The following TENM3 variants were observed in gnomAD, a reference collection of about 807,000 sequenced individuals.
The protein encoded by TENM3 is teneurin transmembrane protein 3, also known as teneurin-3.
A neutral mutation model predicts 255.1 loss-of-function variants in TENM3; 63 were observed. The ratio of observed to expected loss-of-function variants is 0.25; its 90% confidence interval spans 0.20 to 0.30. The LOEUF is 0.30. TENM3 is among the 10% of genes least tolerant of loss of function. TENM3 has a pLI of 1.00. For synonymous variants in TENM3, 1,306 were observed against 1,322.3 expected, an observed-to-expected ratio of 0.99 and a Z score of 0.27; for missense variants, 2,929 against 3,461.1, an observed-to-expected ratio of 0.85 and a Z score of 3.86.
chr4:182,215,550 A>G (rs1200773295), intron 1 of TENM3, among the ~76,000 whole-genome samples: 1 of 152,192 alleles, frequency 6.6e-6, no homozygotes, highest in Non-Finnish European at 1.5e-5. Context: ...AAATCCTCTT[A>G]CGTTCATTTC....
the TENM3 span, among the ~76,000 whole-genome samples, chr4:181,967,976 C>T: frequency 6.6e-6 from 1 of 152,214 alleles, no homozygotes; most frequent in Admixed American, 6.5e-5. Context: ...AGGGAGTGTG[C>T]ATCGCCCTCA....
the TENM3 span, among the ~76,000 whole-genome samples, chr4:181,574,117 T>C: frequency 6.6e-6 from 1 of 152,240 alleles, no homozygotes; most frequent in African/African-American, 2.4e-5. Flanking sequence ...CACAGCTAAC[T>C]CTGATAACTG....
chr4:181,520,713 C>A, the TENM3 span, among the ~76,000 whole-genome samples: 3 of 152,126 alleles, frequency 2.0e-5, no homozygotes, highest in Non-Finnish European at 4.4e-5. Flanking sequence ...ACAGATGGAG[C>A]TTTCTCTTTC....
chr4:182,777,980 C>T (rs1310722699), intron 24 of TENM3, among the ~76,000 whole-genome samples: 1 of 151,812 alleles, frequency 6.6e-6, no homozygotes, highest in Non-Finnish European at 1.5e-5. Context: ...ACAGGCTGGA[C>T]ACAGCAGAAA....
intron 25 of TENM3, among the ~76,000 whole-genome samples, chr4:182,791,312 A>G (rs578094722): frequency 4.6e-5 from 7 of 152,328 alleles, no homozygotes; most frequent in Non-Finnish European, 7.4e-5. Context: ...CCCTGTGCCA[A>G]TGATGTTCCA....
chr4:182,661,456 G>C (rs1754222572), intron 6 of TENM3, among the ~76,000 whole-genome samples: 1 of 152,128 alleles, frequency 6.6e-6, no homozygotes, highest in Admixed American at 6.5e-5. Flanking sequence ...GGAGCTGACA[G>C]GGCTGCAAGA....
At chr4:181,509,352 A>G in the TENM3 span, among the ~76,000 whole-genome samples, 2 of 151,566 alleles carry the variant, frequency 1.3e-5, no homozygotes, top group African/African-American at 2.4e-5. Flanking sequence ...AGAGTTTATT[A>G]CTCTCCTAAA....
chr4:182,455,823 A>G (rs1773832235), intron 3 of TENM3, among the ~76,000 whole-genome samples: 1 of 151,902 alleles, frequency 6.6e-6, no homozygotes, highest in African/African-American at 2.4e-5. Context: ...CAGCCTCCCA[A>G]AGTGCTGGGA....
intron 1 of TENM3, among the ~76,000 whole-genome samples, chr4:182,287,990 T>C (rs969607085): frequency 1.3e-5 from 2 of 151,838 alleles, no homozygotes; most frequent in East Asian, 3.9e-4. Flanking sequence ...CAGGCTGGAG[T>C]GCAATGGCAC....
chr4:181,479,079 G>C, the TENM3 span, among the ~76,000 whole-genome samples: 1 of 152,048 alleles, frequency 6.6e-6, no homozygotes, highest in Non-Finnish European at 1.5e-5. Context: ...ATAAATACTT[G>C]GTGTTGTTTG....
chr4:182,361,492 T>G (rs1282387039), intron 3 of TENM3, among the ~76,000 whole-genome samples: 2 of 152,216 alleles, frequency 1.3e-5, no homozygotes, highest in Non-Finnish European at 2.9e-5. Context: ...CCTGATACCC[T>G]TTCTTCCAGT....
chr4:182,615,594 A>T (rs954291895), intron 4 of TENM3, among the ~76,000 whole-genome samples: 1 of 152,208 alleles, frequency 6.6e-6, no homozygotes, highest in African/African-American at 2.4e-5. Flanking sequence ...TCATTTGGAG[A>T]TGAAGTAAAA....
chr4:181,691,631 A>G, the TENM3 span, among the ~76,000 whole-genome samples: 1 of 152,162 alleles, frequency 6.6e-6, no homozygotes, highest in African/African-American at 2.4e-5. Context: ...CTGCACCGTC[A>G]AAATTCTTGT....
At chr4:182,763,070 T>C (rs1205161277) in intron 22 of TENM3, among the ~76,000 whole-genome samples, 1 of 152,258 alleles carries the variant, frequency 6.6e-6, no homozygotes, top group Non-Finnish European at 1.5e-5. Context: ...CTACTTTTTG[T>C]TCTCTTTAAG....
chr4:182,647,276 G>T (rs1027643402), intron 5 of TENM3, among the ~76,000 whole-genome samples: 1 of 152,170 alleles, frequency 6.6e-6, no homozygotes, highest in South Asian at 2.1e-4. Flanking sequence ...ACATTTTTAA[G>T]TGTATAGCTC....
chr4:182,448,584 G>A (rs1773134405), intron 3 of TENM3, among the ~76,000 whole-genome samples: 1 of 152,196 alleles, frequency 6.6e-6, no homozygotes, highest in Admixed American at 6.5e-5. Context: ...TAGCGCTGCC[G>A]GAGAACAGCT....
chr4:181,633,701 C>CA, the TENM3 span, among the ~76,000 whole-genome samples: 1 of 152,158 alleles, frequency 6.6e-6, no homozygotes, highest in African/African-American at 2.4e-5. Flanking sequence ...TGTCTGAAGG[C>CA]ACTACTAATA....
At chr4:182,632,707 C>T (rs1471213854) in intron 5 of TENM3, among the ~76,000 whole-genome samples, 4 of 152,046 alleles carry the variant, frequency 2.6e-5, no homozygotes, top group Admixed American at 1.3e-4. Context: ...TCATTTTTAC[C>T]ATATTTCATT....
the TENM3 span, among the ~76,000 whole-genome samples, chr4:181,542,355 C>A: frequency 4.9e-4 from 74 of 152,198 alleles, 1 homozygote; most frequent in South Asian, 0.015. Context: ...TGGGGCGTCT[C>A]CAGCCATGAT....
Sources: allele counts gnomAD v4.1 joint callset (sites outside exome capture counted in the v4.1 genomes callset), GRCh38; gene constraint gnomAD v4.1.1; transcripts MANE v1.5; gene names NCBI Gene and HGNC (gene_info 2026-07-23, HGNC 2026-07-21).